Variants in GSE1 observed in about 807,000 individuals in gnomAD.
GSE1 encodes Gse1 coiled-coil protein, also known as genetic suppressor element 1.
A neutral mutation model predicts 112.6 loss-of-function variants in GSE1; 32 were observed. The observed-to-expected ratio is 0.28, with a 90% CI of 0.21 to 0.38. GSE1 has a LOEUF of 0.38. Among genes scored for constraint, GSE1 ranks in the 10% least tolerant of loss-of-function variants. The pLI is 1.00. For synonymous variants in GSE1, 1,115 were observed against 735.6 expected (o/e 1.52, Z -8.35); for missense variants, 2,348 against 1,699.2 (o/e 1.38, Z -6.71).
intron 2 of GSE1, among the ~76,000 whole-genome samples, chr16:85,364,722 C>T (rs1262866576): frequency 1.3e-5 from 2 of 152,168 alleles, no homozygotes; most frequent in East Asian, 1.9e-4. Context: ...TGACCCATGC[C>T]GTTCCTGCCC....
chr16:85,313,379 C>T (rs577039525), intron 1 of GSE1, among the ~76,000 whole-genome samples: 7 of 152,298 alleles, frequency 4.6e-5, no homozygotes, highest in African/African-American at 1.7e-4. Flanking sequence ...GCTGCCCCTG[C>T]CCCGAGACCA....
chr16:85,672,336 T>A (rs1038895677), intron 15 of GSE1, 69 bp from the exon 16 acceptor site: 1 of 1,201,902 alleles, frequency 8.3e-7, no homozygotes, highest in African/African-American at 1.5e-5. Context: ...ATCCAGCATG[T>A]TTGTACTCTA....
At chr16:85,339,911 G>A (rs1265607865) in intron 1 of GSE1, among the ~76,000 whole-genome samples, 1 of 152,176 alleles carries the variant, frequency 6.6e-6, no homozygotes, top group African/African-American at 2.4e-5. Context: ...TCACTGCCAA[G>A]TCCTCAGTGC....
At chr16:85,651,142 T>C (rs1344183515) in intron 3 of GSE1, among the ~76,000 whole-genome samples, 1 of 146,562 alleles carries the variant, frequency 6.8e-6, no homozygotes, top group East Asian at 2.1e-4. Context: ...TGCTCAGAAA[T>C]GAAAAGCTGC....
chr16:85,413,475 A>G (rs1301071215), intron 2 of GSE1, among the ~76,000 whole-genome samples: 1 of 150,638 alleles, frequency 6.6e-6, no homozygotes. Flanking sequence ...TCCATCACTA[A>G]TGTCACTTAC....
Position 85,288,155 on chromosome 16 carries a change from G to A in GSE1, c.2284-69308G>A, listed in dbSNP as rs185120606. On this transcript the variant is annotated intron_variant, in intron 1 of 2. Transcript: ENST00000637419. ...CTCGGGAGGCTGAGGCAGGAGAGTCGTTTGACCCCGGGAGGCGGAGGTTGC... is the reference window on the plus strand; with the variant it reads ...CTCGGGAGGCTGAGGCAGGAGAGTCATTTGACCCCGGGAGGCGGAGGTTGC... Among the ~76,000 whole-genome samples the A allele has an allele frequency of 2.5e-3, 387 of 152,250 alleles. 4 individuals are homozygous for A. The highest frequency in any genetic ancestry group is 8.6e-3 in the African/African-American group (356 of 41,540).
At chr16:85,640,325 C>G (rs916672791) in intron 2 of GSE1, among the ~76,000 whole-genome samples, 1 of 152,244 alleles carries the variant, frequency 6.6e-6, no homozygotes, top group Non-Finnish European at 1.5e-5. Flanking sequence ...AGGTGTTGGC[C>G]GCTGTGTTAC....
At chr16:85,570,377 G>T (rs1217563572) in intron 1 of GSE1, among the ~76,000 whole-genome samples, 2 of 152,204 alleles carry the variant, frequency 1.3e-5, no homozygotes, top group African/African-American at 4.8e-5. Context: ...TGGGGCTTTG[G>T]GGGTTCCCGC....
rs557906257 is a variant in GSE1, at chr16:85,675,345, G to C, written c.*2806G>C. The C allele has an allele frequency of 6.5e-4, 99 of 152,218 alleles. No individual in the cohort carries two copies. The highest frequency in any genetic ancestry group is 2.3e-3 in the African/African-American group (97 of 41,530). The allele number at this position is 152,218 out of a possible 1,614,324, so 9.4% of individuals were successfully genotyped here. A position where few individuals can be genotyped will look rare whatever the true frequency, so the allele number is the denominator to read the frequency against. ...ATACCTTCCAATAGTAAATTATCTG[G>C]TTCCTCACTGAAACAAGTTATTTTT... is the stretch of plus-strand genomic sequence containing the variant. On this transcript the variant is annotated 3_prime_UTR_variant, in exon 16 of 16. Transcript: ENST00000253458.
intron 3 of GSE1, among the ~76,000 whole-genome samples, chr16:85,649,456 T>G (rs2051150818): frequency 6.6e-6 from 1 of 152,226 alleles, no homozygotes; most frequent in Non-Finnish European, 1.5e-5. Flanking sequence ...GTTTCTGTCT[T>G]ACTTTTGGGG....
chr16:85,391,528 C>G (rs1244335612), intron 2 of GSE1, among the ~76,000 whole-genome samples: 2 of 152,228 alleles, frequency 1.3e-5, no homozygotes, highest in Non-Finnish European at 2.9e-5. Context: ...CTTCAGCATT[C>G]CTTGGCTTGC....
chr16:85,296,463 C>T (rs918284009), intron 1 of GSE1, among the ~76,000 whole-genome samples: 7 of 152,000 alleles, frequency 4.6e-5, no homozygotes, highest in Admixed American at 1.3e-4. Flanking sequence ...AAAAATTAGC[C>T]GGATGTGGTG....
intron 2 of GSE1, among the ~76,000 whole-genome samples, chr16:85,407,912 T>C (rs1597642408): frequency 2.6e-5 from 1 of 38,280 alleles, no homozygotes. Context: ...CCCTGGATAA[T>C]CCTCACCGTT....
At chr16:85,648,907 T>C (rs566954401) in intron 3 of GSE1, among the ~76,000 whole-genome samples, 156 bp downstream of exon 3, 2 of 150,846 alleles carry the variant, frequency 1.3e-5, no homozygotes, top group South Asian at 4.2e-4. Context: ...AACGTGAGGG[T>C]GACAGCGGCA....
At chr16:85,478,236 A>T (rs112180060) in intron 2 of GSE1, among the ~76,000 whole-genome samples, 1 of 151,980 alleles carries the variant, frequency 6.6e-6, no homozygotes, top group Non-Finnish European at 1.5e-5. Context: ...GGAATATTCC[A>T]TGGCATGGGG....
chr16:85,487,318 G>A lies in GSE1; in HGVS notation c.2464+129675G>A, dbSNP rs544365770. ...CCCGTCACGTGGCGAGCTACGTCCC[G>A]TGGATACAGAGGAGTGTTTTAGAGC... is the stretch of plus-strand genomic sequence containing the variant. On this transcript the variant is annotated intron_variant, in intron 2 of 2. Transcript: ENST00000637419. Among the ~76,000 whole-genome samples, 33 of 152,244 alleles carry A rather than the reference G, an allele frequency of 2.2e-4. No homozygotes were observed. In the South Asian group the frequency reaches 5.8e-3, roughly 27 times the overall value.
At chr16:85,518,561 C>A (rs570017308) in intron 2 of GSE1, among the ~76,000 whole-genome samples, 3 of 152,226 alleles carry the variant, frequency 2.0e-5, no homozygotes, top group Admixed American at 2.0e-4. Flanking sequence ...CCCAATTCTG[C>A]CTTCAGCCAG....
intron 2 of GSE1, among the ~76,000 whole-genome samples, chr16:85,415,774 G>A (rs2048690771): frequency 1.3e-5 from 2 of 152,246 alleles, no homozygotes; most frequent in Admixed American, 1.3e-4. Context: ...TGCCAAGCTG[G>A]CAGTGACAGT....
chr16:85,228,170 G>A (rs1293948600), intron 1 of GSE1, among the ~76,000 whole-genome samples: 2 of 152,230 alleles, frequency 1.3e-5, no homozygotes, highest in Admixed American at 1.3e-4. Context: ...GCTGAGTCCC[G>A]GCCCCCGCCG....
Sources: allele counts gnomAD v4.1 joint callset (sites outside exome capture counted in the v4.1 genomes callset), GRCh38; gene constraint gnomAD v4.1.1; transcripts MANE v1.5; gene names NCBI Gene and HGNC (gene_info 2026-07-23, HGNC 2026-07-21).